SAMD5: variants seen among roughly 807,000 people sequenced by gnomAD.
SAMD5 encodes the protein sterile alpha motif domain containing 5, also known as sterile alpha motif domain-containing protein 5.
A neutral mutation model predicts 11.3 loss-of-function variants in SAMD5; 13 were observed. That is an observed-to-expected ratio of 1.15 (90% CI 0.75 to 1.83). The LOEUF (loss-of-function observed/expected upper bound fraction) is 1.83, where lower values mean the gene tolerates loss of function less well. Ranked by LOEUF, SAMD5 falls within the 40% of genes most tolerant of loss-of-function variation. SAMD5 has a pLI of 0.00. For synonymous variants in SAMD5, 129 were observed against 111.3 expected, an observed-to-expected ratio of 1.16 and a Z score of -1.00; for missense variants, 255 against 239.1, an observed-to-expected ratio of 1.07 and a Z score of -0.44.
At chr6:147,855,246 G>A in the SAMD5 span, among the ~76,000 whole-genome samples, 38,079 of 151,984 alleles carry the variant, frequency 0.25, 7,378 homozygotes, top group African/African-American at 0.54. Context: ...AAATGAAGAC[G>A]CTGATACAAC....
chr6:147,781,445 G>T, the SAMD5 span, among the ~76,000 whole-genome samples: 1 of 152,026 alleles, frequency 6.6e-6, no homozygotes, highest in African/African-American at 2.4e-5. Flanking sequence ...TTAAATCTAG[G>T]TACATCATTT....
the SAMD5 span, among the ~76,000 whole-genome samples, chr6:147,829,783 C>T: frequency 0.067 from 10,187 of 152,142 alleles, 447 homozygotes; most frequent in Non-Finnish European, 0.1. Context: ...TGCAAAACTG[C>T]CTGTGTGGTT....
chr6:147,884,855 G>A, the SAMD5 span, among the ~76,000 whole-genome samples: 13 of 152,096 alleles, frequency 8.5e-5, 1 homozygote, highest in South Asian at 2.1e-4. Context: ...GCTGTCTGGC[G>A]CAATATTTGC....
the SAMD5 span, among the ~76,000 whole-genome samples, chr6:147,912,794 A>G: frequency 6.6e-6 from 1 of 152,170 alleles, no homozygotes; most frequent in African/African-American, 2.4e-5. Context: ...TTTTCAGGAT[A>G]AAGTGTTAAA....
downstream of SAMD5, among the ~76,000 whole-genome samples, chr6:147,740,745 AAGAAAT>A (rs1190673025): frequency 6.6e-6 from 1 of 152,238 alleles, no homozygotes; most frequent in Non-Finnish European, 1.5e-5. Context: ...TTTTAAATAA[AAGAAAT>A]AGAAATATAT....
the SAMD5 span, among the ~76,000 whole-genome samples, chr6:147,922,300 T>C: frequency 1.3e-5 from 2 of 152,196 alleles, no homozygotes; most frequent in African/African-American, 4.8e-5. Context: ...ATCTGGTACA[T>C]TCTAGTACTC....
the SAMD5 span, among the ~76,000 whole-genome samples, chr6:147,928,734 AT>A: frequency 1.2e-4 from 18 of 151,720 alleles, no homozygotes; most frequent in Non-Finnish European, 2.7e-4. Flanking sequence ...TGCTTCTCTA[AT>A]TCTTTCAGTT....
At chr6:147,605,570 A>G (rs1335906470) in intron 1 of SAMD5, among the ~76,000 whole-genome samples, 1 of 152,238 alleles carries the variant, frequency 6.6e-6, no homozygotes, top group Non-Finnish European at 1.5e-5. Flanking sequence ...TCTATAAACA[A>G]AGCAATGTAC....
chr6:147,605,524 T>C (rs974985621), intron 1 of SAMD5, among the ~76,000 whole-genome samples: 1 of 152,172 alleles, frequency 6.6e-6, no homozygotes, highest in African/African-American at 2.4e-5. Context: ...TAGTACCATG[T>C]AGTATGCTTG....
chr6:147,606,598 G>T (rs370087911), intron 1 of SAMD5, among the ~76,000 whole-genome samples: 2 of 151,632 alleles, frequency 1.3e-5, no homozygotes, highest in South Asian at 4.2e-4. Context: ...TTTAAATAGA[G>T]TCTAGATAGT....
At chr6:147,791,891 T>C in the SAMD5 span, among the ~76,000 whole-genome samples, 1 of 152,194 alleles carries the variant, frequency 6.6e-6, no homozygotes, top group African/African-American at 2.4e-5. Flanking sequence ...GGCAGAACTA[T>C]AGACAGTAAA....
At chr6:147,899,003 A>G in the SAMD5 span, among the ~76,000 whole-genome samples, 1 of 151,348 alleles carries the variant, frequency 6.6e-6, no homozygotes, top group Non-Finnish European at 1.5e-5. Context: ...ACATGGTGAA[A>G]CCCCGTCTCT....
intron 1 of SAMD5, among the ~76,000 whole-genome samples, chr6:147,643,886 G>T (rs529279214): frequency 8.4e-4 from 128 of 152,276 alleles, no homozygotes; most frequent in Admixed American, 1.5e-3. Context: ...AGGAAAGAAA[G>T]AAATGATAAG....
At chr6:147,769,184 A>G in the SAMD5 span, among the ~76,000 whole-genome samples, 2 of 152,212 alleles carry the variant, frequency 1.3e-5, no homozygotes, top group African/African-American at 4.8e-5. Context: ...AAGCAAAGAG[A>G]CTGTGCCTGG....
intron 1 of SAMD5, among the ~76,000 whole-genome samples, chr6:147,601,939 G>A (rs1789621809): frequency 6.6e-6 from 1 of 152,168 alleles, no homozygotes; most frequent in Admixed American, 6.5e-5. Flanking sequence ...ACTTGAATTA[G>A]CACTCGATTG....
At chr6:147,627,229 C>A (rs11155512) in intron 1 of SAMD5, among the ~76,000 whole-genome samples, 59,010 of 151,978 alleles carry the variant, frequency 0.39, 12,776 homozygotes, top group Middle Eastern at 0.51. Flanking sequence ...TCAAAAGTTA[C>A]CTGGTAAACT....
At chr6:147,571,093 C>G (rs1158675756), downstream of SAMD5, among the ~76,000 whole-genome samples, 1 of 152,166 alleles carries the variant, frequency 6.6e-6, no homozygotes, top group African/African-American at 2.4e-5. Context: ...CCAAGCTGCC[C>G]CAGGGCTCTG....
At chr6:147,633,292 A>G (rs1041604164) in intron 1 of SAMD5, among the ~76,000 whole-genome samples, 2 of 152,194 alleles carry the variant, frequency 1.3e-5, no homozygotes, top group Admixed American at 6.5e-5. Flanking sequence ...CGTGCTTTGA[A>G]AAGATGAAAA....
At chr6:147,909,630 T>TTCTCTCTCTCTC in the SAMD5 span, among the ~76,000 whole-genome samples, 3 of 44,562 alleles carry the variant, frequency 6.7e-5, no homozygotes, top group African/African-American at 1.3e-4. Flanking sequence ...CTTTCTTTCT[T>TTCTCTCTCTCTC]TCTCTTTCTT....
Sources: gnomAD v4.1 joint callset for allele counts (sites outside exome capture counted in the v4.1 genomes callset) on GRCh38, gnomAD v4.1.1 for gene constraint, MANE v1.5 for transcripts, NCBI Gene and HGNC (gene_info 2026-07-23, HGNC 2026-07-21) for gene names.